The following ZNF578 variants were observed in gnomAD, a reference collection of about 807,000 sequenced individuals.
ZNF578 encodes Putative chemokine-related protein B42.
Under a neutral mutation model 8.3 loss-of-function variants are expected in ZNF578, and 8 were observed. That is an observed-to-expected ratio of 0.96 (90% confidence interval 0.56 to 1.74). The LOEUF is 1.74. ZNF578 is among the 40% of genes most tolerant of loss of function. The pLI, the probability that ZNF578 is intolerant of heterozygous loss-of-function variation, is 0.00. For missense variants in ZNF578, 726 were observed against 707.5 expected, an observed-to-expected ratio of 1.03 and a Z score of -0.30; for synonymous variants, 206 against 232.2, an observed-to-expected ratio of 0.89 and a Z score of 1.03.
chr19:52,474,117 T>C, intron 2 of ZNF578: 1 of 349,144 alleles, frequency 2.9e-6, no homozygotes, highest in South Asian at 2.5e-5. Context: ...AGGGATAAAC[T>C]ATGCCTGAAG....
At chr19:52,508,382 G>A (rs895710029) in intron 5 of ZNF578, among the ~76,000 whole-genome samples, 2 of 151,408 alleles carry the variant, frequency 1.3e-5, no homozygotes, top group African/African-American at 2.4e-5. Flanking sequence ...AAGTGAAAGA[G>A]AGAAAAAGAA....
rs2059455630 is a variant in ZNF578, at chr19:52,513,008, G to C, written c.*854G>C. On this transcript the variant is annotated 3_prime_UTR_variant, in exon 6 of 6. Coordinates refer to ENST00000421239, the MANE Select transcript of ZNF578 (RefSeq NM_001099694.2). ...AAGCATGGCCAAGAGATGTGAGCCA[G>C]TTTTCCCAGCCTGTTTATTATTATT... Among the ~76,000 whole-genome samples the C allele has an allele frequency of 6.6e-6, 1 of 151,988 alleles. No individual in the cohort carries two copies. The highest frequency in any genetic ancestry group is 6.6e-5 in the Admixed American group (1 of 15,234).
intron 2 of ZNF578, among the ~76,000 whole-genome samples, chr19:52,463,716 C>T (rs1249545556): frequency 6.6e-6 from 1 of 152,118 alleles, no homozygotes; most frequent in Non-Finnish European, 1.5e-5. Context: ...TATTAACTGG[C>T]TGATTAAAAT....
intron 3 of ZNF578, among the ~76,000 whole-genome samples, chr19:52,497,292 T>G (rs2122914703): frequency 6.6e-6 from 1 of 152,318 alleles, no homozygotes; most frequent in East Asian, 1.9e-4. Context: ...AGAGACAGAT[T>G]TCAGCATGTT....
Position 52,516,614 on chromosome 19 carries a change from C to T in ZNF578, c.*4460C>T, listed in dbSNP as rs1254330991. On this transcript the variant is annotated 3_prime_UTR_variant, in exon 6 of 6. Transcript: ENST00000421239. The stretch of plus-strand genomic sequence containing the variant: ...AATACCCTTAAGTGATGACATTCCA[C>T]CATTGTGATTTATTTCTGCACCATC... 1.3e-5 allele frequency among the ~76,000 whole-genome samples: 2 copies of T among 152,166 alleles called. No homozygotes were observed. The highest frequency in any genetic ancestry group is 6.5e-5 in the Admixed American group (1 of 15,276).
chr19:52,500,525 G>A (rs983725929), intron 3 of ZNF578, among the ~76,000 whole-genome samples: 3 of 151,276 alleles, frequency 2.0e-5, no homozygotes, highest in Non-Finnish European at 4.4e-5. Context: ...TCCTCCCTCA[G>A]CTTCCCAAGT....
intron 2 of ZNF578, among the ~76,000 whole-genome samples, chr19:52,471,419 T>C (rs2059291444): frequency 6.6e-6 from 1 of 152,194 alleles, no homozygotes; most frequent in Non-Finnish European, 1.5e-5. Flanking sequence ...ACAGATCCTA[T>C]TAGTTCTGTT....
intron 2 of ZNF578, among the ~76,000 whole-genome samples, chr19:52,461,012 TA>T (rs1490214902): frequency 6.6e-6 from 1 of 152,168 alleles, no homozygotes; most frequent in Non-Finnish European, 1.5e-5. Context: ...CGATACACAT[TA>T]AAGTAAAATT....
At chr19:52,488,817 T>G (rs1365231666) in intron 2 of ZNF578, among the ~76,000 whole-genome samples, 1 of 150,210 alleles carries the variant, frequency 6.7e-6, no homozygotes, top group Admixed American at 6.7e-5. Context: ...GTAAGGAATA[T>G]CAAAGCTGGG....
intron 2 of ZNF578, among the ~76,000 whole-genome samples, chr19:52,483,931 G>A (rs1175574662): frequency 7.6e-5 from 9 of 118,558 alleles, no homozygotes; most frequent in Admixed American, 3.6e-4. Context: ...GAGACACAGA[G>A]ACAAAGTATA....
chr19:52,490,506 G>T (rs936964170), intron 2 of ZNF578, among the ~76,000 whole-genome samples: 14 of 152,126 alleles, frequency 9.2e-5, no homozygotes, highest in Non-Finnish European at 2.1e-4. Context: ...TAATATTTAA[G>T]ATTTCACATA....
rs1026014891 is a variant in ZNF578, at chr19:52,516,526, C to A, written c.*4372C>A. ...AGCCCAAGCTAAGCCATCGTATCCC[C>A]TGTCACCTGCACGTATACATCCAGA... is the stretch of plus-strand genomic sequence containing the variant. On this transcript the variant is annotated 3_prime_UTR_variant, in exon 6 of 6. Transcript: ENST00000421239. Among the ~76,000 whole-genome samples the A allele has an allele frequency of 6.6e-6, 1 of 152,202 alleles. No individual in the cohort carries two copies. Among genetic ancestry groups the A allele is most frequent in the Non-Finnish European group, 1.5e-5 (1 of 68,028 alleles).
chr19:52,485,370 G>A (rs1005415417), intron 2 of ZNF578, among the ~76,000 whole-genome samples: 1 of 152,162 alleles, frequency 6.6e-6, no homozygotes, highest in Non-Finnish European at 1.5e-5. Context: ...CTTTTGTGCC[G>A]CTTTAGCAGG....
intron 2 of ZNF578, among the ~76,000 whole-genome samples, chr19:52,460,433 G>A (rs1250237836): frequency 6.6e-6 from 1 of 151,886 alleles, no homozygotes; most frequent in Non-Finnish European, 1.5e-5. Flanking sequence ...TGTGCTTGTT[G>A]GCCATATTGT....
intron 3 of ZNF578, among the ~76,000 whole-genome samples, chr19:52,496,233 T>G (rs553971044): frequency 1.3e-5 from 2 of 151,902 alleles, no homozygotes; most frequent in Admixed American, 6.6e-5. Flanking sequence ...GGCAAGATGG[T>G]TCTTGAACTC....
rs139702309 is a variant in ZNF578 at position 52,474,017 on chromosome 19, C to T, written c.-122+17059C>T. 1,160 of 406,708 alleles carry T rather than the reference C, an allele frequency of 2.9e-3. 15 individuals carry two copies. Among genetic ancestry groups the T allele is most frequent in the African/African-American group, 0.021 (1,023 of 48,188 alleles). The allele number at this position is 406,708 out of a possible 1,614,324, so 25.2% of individuals were successfully genotyped here. ...CTCTCCAGTATGAGTTCTCCAATGT[C>T]GTGCAAGGTGTGCAATTTGATTGAA... is the stretch of plus-strand genomic sequence containing the variant. On this transcript the variant is annotated intron_variant, in intron 2 of 5. Coordinates refer to ENST00000421239, the MANE Select transcript of ZNF578 (RefSeq NM_001099694.2).
chr19:52,499,062 C>G (rs1447502403), intron 3 of ZNF578, among the ~76,000 whole-genome samples: 2 of 152,058 alleles, frequency 1.3e-5, no homozygotes, highest in African/African-American at 2.4e-5. Context: ...TCAGCCACAC[C>G]TCCTTCCTCC....
At chr19:52,503,793 G>A (rs1413356913) in intron 4 of ZNF578, among the ~76,000 whole-genome samples, 1 of 142,248 alleles carries the variant, frequency 7.0e-6, no homozygotes, top group African/African-American at 2.6e-5. Context: ...AGAAAACCCT[G>A]TGTTTGCTTT....
chr19:52,510,440 G>A lies in ZNF578; in HGVS notation c.191-132G>A, dbSNP rs1331790003. On this transcript the variant is annotated intron_variant, in intron 5 of 5. Coordinates refer to ENST00000421239, the MANE Select transcript of ZNF578 (RefSeq NM_001099694.2). ...TTTATTAAAGAATCTTACTACTTTT[G>A]TGTTCGTAAACTTTGAAGATCATGT... 4.1e-6 allele frequency: 5 copies of A among 1,233,248 alleles called. No homozygotes were observed. In the Admixed American group the frequency reaches 1.4e-4, roughly 35 times the overall value. The allele number at this position is 1,233,248 out of a possible 1,614,324, so 76.4% of individuals were successfully genotyped here.
Sources: allele counts gnomAD v4.1 joint callset (sites outside exome capture counted in the v4.1 genomes callset), GRCh38; gene constraint gnomAD v4.1.1; transcripts MANE v1.5; gene names NCBI Gene and HGNC (gene_info 2026-07-23, HGNC 2026-07-21).